Variants in TRIM25 observed in about 807,000 individuals in gnomAD.
TRIM25 encodes the protein tripartite motif containing 25, also known as E3 ubiquitin/ISG15 ligase TRIM25.
A neutral mutation model predicts 65.2 loss-of-function variants in TRIM25; 45 were observed. That is an observed-to-expected ratio of 0.69 (90% CI 0.54 to 0.89). The LOEUF (loss-of-function observed/expected upper bound fraction) is 0.89. Among genes scored for constraint, TRIM25 ranks in the 40% least tolerant of loss-of-function variants. The probability of loss-of-function intolerance (pLI) is 0.00; values close to 1 mark genes in which losing one functional copy is unlikely to be tolerated. For synonymous variants in TRIM25, 321 were observed against 340.4 expected, an observed-to-expected ratio of 0.94 and a Z score of 0.63; for missense variants, 714 against 803.7, an observed-to-expected ratio of 0.89 and a Z score of 1.35.
intron 2 of TRIM25, among the ~76,000 whole-genome samples, chr17:56,907,213 A>C (rs1468403901): frequency 6.6e-6 from 1 of 152,228 alleles, no homozygotes; most frequent in Non-Finnish European, 1.5e-5. Context: ...TGGGTTACTC[A>C]TGTGTGGGTT....
chr17:56,895,025 T>G (rs943740299), intron 8 of TRIM25, among the ~76,000 whole-genome samples: 1 of 152,056 alleles, frequency 6.6e-6, no homozygotes, highest in Non-Finnish European at 1.5e-5. Context: ...GGACGCCCGG[T>G]GAAGGCCGGT....
chr17:56,907,703 G>A (rs1909547931), intron 2 of TRIM25, among the ~76,000 whole-genome samples: 1 of 152,140 alleles, frequency 6.6e-6, no homozygotes, highest in Non-Finnish European at 1.5e-5. Context: ...TGGGTTGAAT[G>A]CTGGGCCCCC....
intron 5 of TRIM25, among the ~76,000 whole-genome samples, chr17:56,897,503 C>T (rs1400182828): frequency 6.6e-6 from 1 of 152,116 alleles, no homozygotes; most frequent in African/African-American, 2.4e-5. Flanking sequence ...CACCCACTCC[C>T]TGTGGACCAG....
At position 56,891,057 on chromosome 17, in the gene TRIM25, G is replaced by T. The variant is rs1947769005; in HGVS notation, c.*643C>A. 1 of 396,550 alleles carries T rather than the reference G, an allele frequency of 2.5e-6. No homozygotes were observed. Among genetic ancestry groups the T allele is most frequent in the Middle Eastern group, 3.9e-4 (1 of 2,550 alleles). 24.6% of individuals were successfully genotyped at this position (396,550 alleles called of 1,614,324 possible). Reference sequence around the variant, plus strand: ...AGTTTGCTGTTTGAAAACCATCAATGTGGGGGCGATGGGTGTGCAGGGTAG... The same window carrying T: ...AGTTTGCTGTTTGAAAACCATCAATTTGGGGGCGATGGGTGTGCAGGGTAG... On this transcript the variant is annotated 3_prime_UTR_variant, in exon 9 of 9. Coordinates refer to ENST00000316881, the MANE Select transcript of TRIM25 (RefSeq NM_005082.5).
At position 56,890,049 on chromosome 17, in the gene TRIM25, G is replaced by A. The variant is rs1304613939; in HGVS notation, c.*1651C>T. ...CAAGTGTTCTGAGCCTGCCTAGAGT[G>A]CCCTAGAGTTCCAGCACGAGGCCTG... On this transcript the variant is annotated 3_prime_UTR_variant, in exon 9 of 9. Coordinates refer to ENST00000316881, the MANE Select transcript of TRIM25 (RefSeq NM_005082.5). The A allele has an allele frequency of 9.9e-6, 4 of 402,548 alleles. No homozygotes were observed. Among genetic ancestry groups the A allele is most frequent in the African/African-American group, 2.1e-5 (1 of 48,466 alleles). 24.9% of individuals were successfully genotyped at this position (402,548 alleles called of 1,614,324 possible). A position where few individuals can be genotyped will look rare whatever the true frequency, so the allele number is the denominator to read the frequency against.
At chr17:56,893,691 G>T (rs1302273485) in intron 8 of TRIM25, among the ~76,000 whole-genome samples, 2 of 152,248 alleles carry the variant, frequency 1.3e-5, no homozygotes, top group Non-Finnish European at 2.9e-5. Flanking sequence ...CCTAGGCCTG[G>T]CCTTGACAAC....
At chr17:56,908,687 C>A in intron 1 of TRIM25, 124 bp from the exon 2 acceptor site, 2 of 909,796 alleles carry the variant, frequency 2.2e-6, no homozygotes, top group South Asian at 1.4e-5. Flanking sequence ...TCTTGCCACC[C>A]CAAGTCCTGT....
intron 4 of TRIM25, among the ~76,000 whole-genome samples, chr17:56,899,748 C>T (rs1909373015): frequency 6.6e-6 from 1 of 152,174 alleles, no homozygotes; most frequent in Non-Finnish European, 1.5e-5. Context: ...TACTATGGGC[C>T]AGGCTCTGTG....
chr17:56,898,708 C>CAA (rs58323661), intron 5 of TRIM25, among the ~76,000 whole-genome samples: 17 of 129,782 alleles, frequency 1.3e-4, no homozygotes, highest in African/African-American at 3.9e-4. Context: ...AGTGAGAAAC[C>CAA]AAAAAAAAAA....
Position 56,899,198 on chromosome 17 carries a change from G to T in TRIM25, c.1088-18C>A, listed in dbSNP as rs1265596667. 1 of 1,614,100 alleles carries T rather than the reference G, an allele frequency of 6.2e-7. No homozygotes were observed. Among genetic ancestry groups the T allele is most frequent in the Non-Finnish European group, 8.5e-7 (1 of 1,179,958 alleles). On this transcript the variant is annotated intron_variant, in intron 4 of 8. Coordinates refer to ENST00000316881, the MANE Select transcript of TRIM25 (RefSeq NM_005082.5). ...AGGGTCACCTGTGTCAGAGAAGAAG[G>T]GCTCAGTGTGTGCGGCTCCTCTCAC... is the stretch of plus-strand genomic sequence containing the variant.
chr17:56,903,367 C>T (rs1240839183), intron 3 of TRIM25, among the ~76,000 whole-genome samples: 1 of 152,208 alleles, frequency 6.6e-6, no homozygotes, highest in African/African-American at 2.4e-5. Flanking sequence ...CACTACACTC[C>T]AGCCTGAGCA....
At position 56,901,569 on chromosome 17, in the gene TRIM25, T is replaced by C. The variant is rs773094470; in HGVS notation, c.937A>G (p.Lys313Glu). 8.7e-5 allele frequency: 140 copies of C among 1,614,008 alleles called. 1 individual carries two copies. The South Asian group carries it at 1.5e-3, about 17-fold the overall frequency. Residue 313 changes from lysine to glutamate, a missense_variant, in exon 4 of 9, where the codon AAA (lysine) becomes GAA (glutamate). This residue lies in a region of TRIM25 where 413 missense variants were observed against 498.2 expected (regional missense o/e 0.83). Coordinates refer to ENST00000316881, the MANE Select transcript of TRIM25 (RefSeq NM_005082.5). ...GGCTTTGTTGAGATTCCTCGCAGTT[T>C]TGATGCTTTCTGGAACATGCCAGGG... is the stretch of plus-strand genomic sequence containing the variant. ...DEFEFLEKAS[K>E]LRGISTKPVY...
In TRIM25 at chr17:56,904,356, T is replaced by C. The variant is rs750578033; in HGVS notation, c.826A>G (p.Thr276Ala). The change falls in exon 3 of 9, where the codon ACC becomes GCC. Residue 276 changes from threonine (T) to alanine (A), a missense_variant. By Grantham distance (58) the Thr-to-Ala change is moderately conservative. Transcript: ENST00000316881. ...TTCTTGAGGAGAATCTGATAAATGG[T>C]GTCAAACTTGCTGTTGACCCTCTTC... is the stretch of plus-strand genomic sequence containing the variant. Reference protein sequence around the residue: ...EEKRVNSKFDTIYQILLKKKS... With the variant: ...EEKRVNSKFDAIYQILLKKKS... 4 of 1,614,198 alleles carry C rather than the reference T, an allele frequency of 2.5e-6. No homozygotes were observed. The highest frequency in any genetic ancestry group is 2.5e-6 in the Non-Finnish European group (3 of 1,180,040).
chr17:56,898,241 C>T (rs1338432891), intron 5 of TRIM25, among the ~76,000 whole-genome samples: 2 of 151,634 alleles, frequency 1.3e-5, no homozygotes, highest in South Asian at 2.1e-4. Context: ...GACATCTCAG[C>T]GGTATATGGA....
At chr17:56,899,354 G>A (rs895028805) in intron 4 of TRIM25, among the ~76,000 whole-genome samples, 174 bp from the exon 5 acceptor site, 1 of 152,200 alleles carries the variant, frequency 6.6e-6, no homozygotes, top group African/African-American at 2.4e-5. Context: ...GAACCAGTTT[G>A]GTGTATTCCC....
intron 5 of TRIM25, 88 bp from the exon 6 acceptor site, chr17:56,896,040 G>C (rs1016790045): frequency 3.8e-5 from 51 of 1,345,010 alleles, no homozygotes; most frequent in Non-Finnish European, 5.1e-5. Flanking sequence ...GCATGAATTT[G>C]ACCCAGACAA....
At chr17:56,894,907 G>C (rs1021154712) in intron 8 of TRIM25, among the ~76,000 whole-genome samples, 2 of 152,190 alleles carry the variant, frequency 1.3e-5, no homozygotes, top group African/African-American at 2.4e-5. Context: ...GAAGGTGGGC[G>C]GGACAGGGAG....
chr17:56,901,658 C>A, intron 3 of TRIM25, 80 bp from the exon 4 acceptor site: 1 of 1,569,238 alleles, frequency 6.4e-7, no homozygotes. Context: ...CCCCAGGAGG[C>A]TCTCCCCTAT....
rs1909159779 is a variant in TRIM25, at chr17:56,891,085, A to G, written c.*615T>C. On this transcript the variant is annotated 3_prime_UTR_variant, in exon 9 of 9. Transcript: ENST00000316881. ...GGGGCGATGGGTGTGCAGGGTAGGA[A>G]GGGAACGCACTATTTTCCAGTGGAG... The G allele has an allele frequency of 5.4e-6, 2 of 372,666 alleles. No individual in the cohort carries two copies. Among genetic ancestry groups the G allele is most frequent in the African/African-American group, 4.2e-5 (2 of 47,228 alleles). 23.1% of individuals were successfully genotyped at this position (372,666 alleles called of 1,614,324 possible).
Sources: allele counts gnomAD v4.1 joint callset (sites outside exome capture counted in the v4.1 genomes callset), GRCh38; gene constraint gnomAD v4.1.1; regional missense constraint gnomAD v4.1.1; transcripts MANE v1.5; gene names NCBI Gene and HGNC (gene_info 2026-07-23, HGNC 2026-07-21).